SPIDR: variants seen among roughly 807,000 people sequenced by gnomAD.
The protein encoded by SPIDR is scaffold protein involved in DNA repair, also known as DNA repair-scaffolding protein.
Under a neutral mutation model 104.6 loss-of-function variants are expected in SPIDR, and 93 were observed. That is an observed-to-expected ratio of 0.89 (90% CI 0.75 to 1.06). The LOEUF is 1.06. Ranked by LOEUF, SPIDR falls within the 50% of genes least tolerant of loss-of-function variation. The pLI, the probability that SPIDR is intolerant of heterozygous loss-of-function variation, is 0.00. For synonymous variants in SPIDR, 431 were observed against 416.9 expected, an observed-to-expected ratio of 1.03 and a Z score of -0.41; for missense variants, 1,154 against 1,111.2, an observed-to-expected ratio of 1.04 and a Z score of -0.55.
At chr8:47,592,445 G>C in intron 8 of SPIDR, 4 of 1,450,924 alleles carry the variant, frequency 2.8e-6, no homozygotes, top group South Asian at 2.3e-5. Flanking sequence ...AATAGTTCAA[G>C]TTTAAAAGTC....
At chr8:47,653,944 T>C in intron 10 of SPIDR, 4 of 1,210,302 alleles carry the variant, frequency 3.3e-6, no homozygotes, top group Non-Finnish European at 4.2e-6. Flanking sequence ...AGTCTTCATA[T>C]AAGACATGGA....
intron 11 of SPIDR, among the ~76,000 whole-genome samples, chr8:47,692,105 T>A (rs1355850809): frequency 6.6e-6 from 1 of 152,260 alleles, no homozygotes; most frequent in Non-Finnish European, 1.5e-5. Flanking sequence ...AGGTCAGGTT[T>A]AGTGGTCTCC....
At chr8:47,490,790 G>A (rs939004419) in intron 8 of SPIDR, among the ~76,000 whole-genome samples, 2 of 152,152 alleles carry the variant, frequency 1.3e-5, no homozygotes, top group Non-Finnish European at 2.9e-5. Context: ...GGTGAGAATT[G>A]GAAAATGAGA....
chr8:47,524,964 A>G (rs2154382002), intron 8 of SPIDR, among the ~76,000 whole-genome samples: 2 of 152,284 alleles, frequency 1.3e-5, no homozygotes, highest in South Asian at 2.1e-4. Flanking sequence ...TTTATTTCCA[A>G]AGGACTTCAT....
rs202076247 is a variant in SPIDR, at chr8:47,735,111, G to GGTGT, written c.2605-175_2605-172dup. Among the ~76,000 whole-genome samples the GGTGT allele has an allele frequency of 4.3e-3, 588 of 135,248 alleles. 2 individuals carry two copies. The highest frequency in any genetic ancestry group is 0.02 in the South Asian group (93 of 4,578). 88.7% of individuals were successfully genotyped at this position (135,248 alleles called of 152,430 possible). A position where few individuals can be genotyped will look rare whatever the true frequency, so the allele number is the denominator to read the frequency against. ...GGGTGTGTGGGTGTGTGTGTGTGTG[G>GGTGT]GTGTGTGTGTGTGTGTGTGTGTGTA... On this transcript the variant is annotated intron_variant, in intron 19 of 19. Coordinates refer to ENST00000297423, the MANE Select transcript of SPIDR (RefSeq NM_001080394.4).
chr8:47,512,442 TAAAGCC>T (rs2082479518), intron 8 of SPIDR, among the ~76,000 whole-genome samples: 1 of 152,244 alleles, frequency 6.6e-6, no homozygotes, highest in Non-Finnish European at 1.5e-5. Flanking sequence ...ATATGGCTTA[TAAAGCC>T]AGCTCTGTTC....
intron 2 of SPIDR, among the ~76,000 whole-genome samples, chr8:47,280,735 G>T (rs1191257315): frequency 6.6e-6 from 1 of 152,040 alleles, no homozygotes; most frequent in Non-Finnish European, 1.5e-5. Context: ...ACAGGGTCTT[G>T]CTGTGTTGCC....
At chr8:47,445,510 C>T (rs563048027) in intron 8 of SPIDR, among the ~76,000 whole-genome samples, 8 of 152,236 alleles carry the variant, frequency 5.3e-5, no homozygotes, top group Non-Finnish European at 1.0e-4. Flanking sequence ...GCCAATTAAT[C>T]GCCCTAATAT....
chr8:47,585,798 A>G (rs190057688), intron 8 of SPIDR, among the ~76,000 whole-genome samples: 5 of 152,224 alleles, frequency 3.3e-5, no homozygotes, highest in African/African-American at 7.2e-5. Flanking sequence ...AAAACCGCCA[A>G]TCCCACTCCC....
chr8:47,660,917 G>A (rs1035117574), intron 10 of SPIDR: 1 of 984,432 alleles, frequency 1.0e-6, no homozygotes, highest in South Asian at 4.7e-5. Flanking sequence ...TTGTCTGGTA[G>A]GTGAAGGAAA....
intron 8 of SPIDR, among the ~76,000 whole-genome samples, chr8:47,567,665 C>G (rs901959911): frequency 6.6e-6 from 1 of 151,922 alleles, no homozygotes; most frequent in African/African-American, 2.4e-5. Context: ...AAGGGGCTGG[C>G]AATTAGGAGA....
chr8:47,312,659 C>A (rs1180568106), intron 5 of SPIDR, among the ~76,000 whole-genome samples: 2 of 152,076 alleles, frequency 1.3e-5, no homozygotes, highest in African/African-American at 4.8e-5. Context: ...AATTTTCTCC[C>A]ATTTTGTAGG....
chr8:47,356,835 G>A lies in SPIDR; in HGVS notation c.526-39541G>A, dbSNP rs140364043. ...TACTGAACTTTGGTTTTTAAAATGCGTACAGTAAATGAAGCTGCTGTTCTG... is the reference window on the plus strand; with the variant it reads ...TACTGAACTTTGGTTTTTAAAATGCATACAGTAAATGAAGCTGCTGTTCTG... On this transcript the variant is annotated intron_variant, in intron 5 of 19. Coordinates refer to ENST00000297423, the MANE Select transcript of SPIDR (RefSeq NM_001080394.4). Among the ~76,000 whole-genome samples the A allele has an allele frequency of 7.2e-5, 11 of 152,252 alleles. No individual in the cohort carries two copies. In the East Asian group the frequency reaches 1.2e-3, roughly 16 times the overall value.
At chr8:47,574,845 CA>C (rs1344818270) in intron 8 of SPIDR, among the ~76,000 whole-genome samples, 5 of 152,062 alleles carry the variant, frequency 3.3e-5, no homozygotes, top group Non-Finnish European at 7.4e-5. Flanking sequence ...TTATGGTGAC[CA>C]TTACTAGAAT....
At chr8:47,349,059 T>G (rs1445155657) in intron 5 of SPIDR, among the ~76,000 whole-genome samples, 1 of 152,248 alleles carries the variant, frequency 6.6e-6, no homozygotes, top group African/African-American at 2.4e-5. Context: ...TCAGCTTTTC[T>G]GCTCTGGTTT....
At chr8:47,465,866 G>A (rs2074688183) in intron 8 of SPIDR, among the ~76,000 whole-genome samples, 1 of 152,034 alleles carries the variant, frequency 6.6e-6, no homozygotes, top group African/African-American at 2.4e-5. Flanking sequence ...AAAAAGGCAG[G>A]GGTTGCAGTC....
chr8:47,716,350 T>C (rs2082589912), intron 16 of SPIDR, among the ~76,000 whole-genome samples: 1 of 152,210 alleles, frequency 6.6e-6, no homozygotes, highest in South Asian at 2.1e-4. Context: ...TTCCTGACTT[T>C]TTATAATTGA....
At chr8:47,490,770 C>T (rs1370927311) in intron 8 of SPIDR, among the ~76,000 whole-genome samples, 4 of 152,190 alleles carry the variant, frequency 2.6e-5, no homozygotes, top group African/African-American at 9.7e-5. Flanking sequence ...ACCACATGTT[C>T]TCACTCATAG....
intron 10 of SPIDR, among the ~76,000 whole-genome samples, chr8:47,649,342 A>G (rs1264577350): frequency 6.6e-6 from 1 of 152,182 alleles, no homozygotes. Context: ...GAATCTCACA[A>G]TGAGAAGAAA....
Sources: allele counts gnomAD v4.1 joint callset (sites outside exome capture counted in the v4.1 genomes callset), GRCh38; gene constraint gnomAD v4.1.1; transcripts MANE v1.5; gene names NCBI Gene and HGNC (gene_info 2026-07-23, HGNC 2026-07-21).